Variants in CEMIP2 observed in about 807,000 individuals in gnomAD.
CEMIP2 encodes cell migration inducing hyaluronidase 2, also known as cell surface hyaluronidase CEMIP2.
In CEMIP2, 79 loss-of-function variants were observed where a neutral mutation model predicts 146.9. The ratio of observed to expected loss-of-function variants is 0.54; its 90% confidence interval spans 0.45 to 0.65. The LOEUF (loss-of-function observed/expected upper bound fraction) is 0.65. Ranked by LOEUF, CEMIP2 falls within the 30% of genes least tolerant of loss-of-function variation. CEMIP2 has a pLI of 0.00. For missense variants in CEMIP2, 1,596 were observed against 1,696.2 expected, an observed-to-expected ratio of 0.94 and a Z score of 1.04; for synonymous variants, 601 against 606.3, an observed-to-expected ratio of 0.99 and a Z score of 0.13.
intron 9 of CEMIP2, 45 bp downstream of exon 9, chr9:71,730,003 T>C (rs924007165): frequency 3.7e-6 from 6 of 1,613,424 alleles, no homozygotes; most frequent in Non-Finnish European, 5.1e-6. Context: ...TCCCCAAAAG[T>C]CAAAGGCCCT....
Position 71,740,434 on chromosome 9 carries a change from C to T in CEMIP2, c.1035-202G>A, listed in dbSNP as rs1225806035. Among the ~76,000 whole-genome samples the T allele has an allele frequency of 2.0e-5, 3 of 152,218 alleles. No individual in the cohort carries two copies. In the East Asian group the frequency reaches 5.8e-4, roughly 29 times the overall value. On this transcript the variant is annotated intron_variant, in intron 4 of 23. Transcript: ENST00000377044. ...AGGAAATGCAGCTACTTTTTAAATA[C>T]TTGTTTGTCCAGCTCTGTAATAGGT...
At chr9:71,712,568 T>C in intron 15 of CEMIP2, 1 of 214,036 alleles carries the variant, frequency 4.7e-6, no homozygotes, top group Non-Finnish European at 9.2e-6. Flanking sequence ...AGAGGTGACT[T>C]TGTCTTCCTA....
intron 21 of CEMIP2, among the ~76,000 whole-genome samples, chr9:71,692,461 C>T (rs1278662190): frequency 1.3e-5 from 2 of 151,138 alleles, no homozygotes; most frequent in African/African-American, 2.4e-5. Flanking sequence ...CAACTCCCAC[C>T]AGTTACCATG....
chr9:71,747,139 T>C (rs1192896503), intron 2 of CEMIP2, among the ~76,000 whole-genome samples: 1 of 152,204 alleles, frequency 6.6e-6, no homozygotes, highest in East Asian at 1.9e-4. Flanking sequence ...ATGAAAACTT[T>C]AAGGTCCGCC....
At chr9:71,701,601 A>G (rs950217927) in intron 18 of CEMIP2, among the ~76,000 whole-genome samples, 2 of 152,156 alleles carry the variant, frequency 1.3e-5, no homozygotes, top group African/African-American at 4.8e-5. Flanking sequence ...TTATAATTTT[A>G]CCTTTTATAA....
rs1162987131 is a variant in CEMIP2, at chr9:71,745,379, C to T, written c.673G>A (p.Glu225Lys). The part of the protein sequence containing the change: ...PTFGKKFIGV[E>K]AGGTLELHGA... ...TGTAACTCCAGTGTCCCGCCAGCTT[C>T]CACACCAATAAACTTTTTGCCAAAT... is the stretch of plus-strand genomic sequence containing the variant. The change falls in exon 4 of 24, where the codon GAA becomes AAA. Residue 225 changes from glutamate to lysine, a missense_variant. By Grantham distance (56) the Glu-to-Lys change is moderately conservative (BLOSUM62 1). Coordinates refer to ENST00000377044, the MANE Select transcript of CEMIP2 (RefSeq NM_013390.3). 6.2e-7 allele frequency: 1 copy of T among 1,614,142 alleles called. No individual in the cohort carries two copies.
At chr9:71,766,453 C>A (rs566316630) in intron 1 of CEMIP2, among the ~76,000 whole-genome samples, 19 of 152,156 alleles carry the variant, frequency 1.2e-4, no homozygotes, top group Non-Finnish European at 2.8e-4. Context: ...TAAGCAGTAC[C>A]CTGTCAACTT....
intron 17 of CEMIP2, among the ~76,000 whole-genome samples, chr9:71,707,525 T>C (rs10869054): frequency 0.45 from 68,565 of 152,044 alleles, 18,317 homozygotes; most frequent in Non-Finnish European, 0.6. Context: ...GCTTTAATTG[T>C]CGTAATTCAA....
At position 71,746,186 on chromosome 9, in the gene CEMIP2, G is replaced by C. The variant is rs1824082085; in HGVS notation, c.472+15C>G. 1 of 1,611,512 alleles carries C rather than the reference G, an allele frequency of 6.2e-7. No individual in the cohort carries two copies. The highest frequency in any genetic ancestry group is 8.5e-7 in the Non-Finnish European group (1 of 1,178,588). The stretch of plus-strand genomic sequence containing the variant: ...AGCAACCTTGCAGTTCCCATAGGCA[G>C]GAACCATTACCTACCTCCATCCTGA... On this transcript the variant is annotated intron_variant, in intron 3 of 23. Coordinates refer to ENST00000377044, the MANE Select transcript of CEMIP2 (RefSeq NM_013390.3).
intron 3 of CEMIP2, 34 bp downstream of exon 3, chr9:71,746,167 C>T: frequency 6.2e-7 from 1 of 1,602,640 alleles, no homozygotes; most frequent in South Asian, 1.1e-5. Context: ...AAAGAGCAAC[C>T]TTGCAGTTCC....
chr9:71,686,253 C>A, intron 22 of CEMIP2: 1 of 172,888 alleles, frequency 5.8e-6, no homozygotes, highest in East Asian at 1.6e-4. Flanking sequence ...GTCAGGTCAG[C>A]TGTGGCATTC....
intron 23 of CEMIP2, 146 bp from the exon 24 acceptor site, chr9:71,685,539 C>T: frequency 1.9e-6 from 2 of 1,054,744 alleles, no homozygotes; most frequent in South Asian, 3.6e-5. Context: ...AGCAAATGAA[C>T]TCTCACCACC....
Position 71,685,637 on chromosome 9 carries a change from CT to C in CEMIP2, c.3955+105del, listed in dbSNP as rs1433834994. ...TTAGAAATCATCTTAATGATACCCACTCCAGCAAACAAGCTCATGAAAATGG... is the reference window on the plus strand; with the variant it reads ...TTAGAAATCATCTTAATGATACCCACCCAGCAAACAAGCTCATGAAAATGG... On this transcript the variant is annotated intron_variant, in intron 23 of 23. Coordinates refer to ENST00000377044, the MANE Select transcript of CEMIP2 (RefSeq NM_013390.3). 2.4e-5 allele frequency: 23 copies of C among 962,944 alleles called. No individual in the cohort carries two copies. The African/African-American group carries it at 3.3e-4, about 14-fold the overall frequency. The allele number at this position is 962,944 out of a possible 1,614,324, so 59.6% of individuals were successfully genotyped here. A position where few individuals can be genotyped will look rare whatever the true frequency, so the allele number is the denominator to read the frequency against.
chr9:71,714,067 T>TC (rs1247647798), intron 15 of CEMIP2, among the ~76,000 whole-genome samples: 1 of 151,940 alleles, frequency 6.6e-6, no homozygotes, highest in South Asian at 2.1e-4. Context: ...AGTACAGCTC[T>TC]CCCCCGAGTC....
intron 1 of CEMIP2, among the ~76,000 whole-genome samples, chr9:71,750,771 G>C (rs1463375724): frequency 2.6e-5 from 4 of 151,304 alleles, no homozygotes; most frequent in African/African-American, 9.7e-5. Flanking sequence ...TTTAGAGACA[G>C]GGTCTCACTC....
intron 18 of CEMIP2, among the ~76,000 whole-genome samples, chr9:71,701,117 T>C (rs1177219297): frequency 6.6e-6 from 1 of 152,206 alleles, no homozygotes; most frequent in East Asian, 1.9e-4. Context: ...TTGTTGTTGT[T>C]GTTTTTGAGA....
At chr9:71,719,823 A>G (rs1016503822) in intron 12 of CEMIP2, among the ~76,000 whole-genome samples, 1 of 122,760 alleles carries the variant, frequency 8.1e-6, no homozygotes, top group Non-Finnish European at 1.6e-5. Context: ...GAACGGAGAC[A>G]TACTGTTCTA....
At chr9:71,758,957 C>A (rs1227345650) in intron 1 of CEMIP2, among the ~76,000 whole-genome samples, 3 of 152,164 alleles carry the variant, frequency 2.0e-5, no homozygotes, top group Non-Finnish European at 4.4e-5. Flanking sequence ...GTATGAGTCA[C>A]AATCACCTGC....
chr9:71,718,779 G>A (rs1377347123), intron 12 of CEMIP2, among the ~76,000 whole-genome samples: 1 of 152,052 alleles, frequency 6.6e-6, no homozygotes, highest in African/African-American at 2.4e-5. Context: ...GTCTCCCCAT[G>A]TTGGCCAGGC....
Sources: gnomAD v4.1 joint callset for allele counts (sites outside exome capture counted in the v4.1 genomes callset) on GRCh38, gnomAD v4.1.1 for gene constraint, MANE v1.5 for transcripts, NCBI Gene and HGNC (gene_info 2026-07-23, HGNC 2026-07-21) for gene names.